Variants in LY6G6F observed in about 807,000 individuals in gnomAD.
LY6G6F encodes the protein lymphocyte antigen 6 complex locus protein G6f.
In LY6G6F, 26 loss-of-function variants were observed where a neutral mutation model predicts 33.0. The ratio of observed to expected loss-of-function variants is 0.79; its 90% CI spans 0.58 to 1.09. The LOEUF (loss-of-function observed/expected upper bound fraction) is 1.09. Among genes scored for constraint, LY6G6F ranks in the 50% least tolerant of loss-of-function variants. The probability of loss-of-function intolerance (pLI) is 0.00; values close to 1 mark genes in which losing one functional copy is unlikely to be tolerated. For missense variants in LY6G6F, 317 were observed against 372.0 expected (o/e 0.85, Z 1.22); for synonymous variants, 132 against 148.1 (o/e 0.89, Z 0.79).
chr6:31,710,330 C>G lies in LY6G6F; in HGVS notation c.803-22C>G. The G allele has an allele frequency of 6.2e-7, 1 of 1,613,688 alleles. No individual in the cohort carries two copies. The highest frequency in any genetic ancestry group is 8.5e-7 in the Non-Finnish European group (1 of 1,180,024). ...TGTCTGCTGACTTCTCTTCTGTATC[C>G]CTGATGGCTCCTTCTCCCCAGATGC... On this transcript the variant is annotated intron_variant, in intron 4 of 5. Transcript: ENST00000375832. The surrounding 1 kb of genome is among the most constrained non-coding windows in gnomAD (Gnocchi z 4.7).
chr6:31,710,308 C>T lies in LY6G6F; in HGVS notation c.803-44C>T, dbSNP rs1805942715. 1 of 1,613,140 alleles carries T rather than the reference C, an allele frequency of 6.2e-7. No individual in the cohort carries two copies. The highest frequency in any genetic ancestry group is 1.3e-5 in the African/African-American group (1 of 74,916). ...GGCGAGGAACACGGCTCTAAGTTGT[C>T]TGCTGACTTCTCTTCTGTATCCCTG... On this transcript the variant is annotated intron_variant, in intron 4 of 5. Coordinates refer to ENST00000375832, the MANE Select transcript of LY6G6F (RefSeq NM_001003693.3). This position sits in a 1 kb window ranked among gnomAD's most constrained non-coding sequence, Gnocchi z 4.7.
rs746975474 is a variant in LY6G6F at position 31,707,705 on chromosome 6, T to C, written c.300T>C (p.Asp100=). The C allele has an allele frequency of 6.2e-7, 1 of 1,614,146 alleles. No individual in the cohort carries two copies. The highest frequency in any genetic ancestry group is 1.1e-5 in the South Asian group (1 of 91,078). Residue 100 remains aspartate (D), a synonymous_variant, in exon 2 of 6, where the codon GAT becomes GAC. Transcript: ENST00000375832. This position sits in a 1 kb window ranked among gnomAD's most constrained non-coding sequence, Gnocchi z 4.1. ...GGTTGGAGGGATCCAAAGAGGAAGA[T>C]GCCGGGCGGTACTGGTGCGCTGTGC... The part of the protein sequence containing the change: ...SLWLEGSKEE[D]AGRYWCAVLG...
In LY6G6F at chr6:31,710,280, G is replaced by T; in HGVS notation, c.803-72G>T. 1 of 1,612,850 alleles carries T rather than the reference G, an allele frequency of 6.2e-7. No homozygotes were observed. The highest frequency in any genetic ancestry group is 1.7e-5 in the Admixed American group (1 of 60,018). On this transcript the variant is annotated intron_variant, in intron 4 of 5. Transcript: ENST00000375832. The surrounding 1 kb of genome is among the most constrained non-coding windows in gnomAD (Gnocchi z 4.7). ...TCTGTACCCCACCTCCTCTAGGGGA[G>T]GGGGCGAGGAACACGGCTCTAAGTT...
rs1464756284 is a variant in LY6G6F at position 31,710,317 on chromosome 6, TCTC to T, written c.803-34_803-32del. The T allele has an allele frequency of 6.2e-7, 1 of 1,613,348 alleles. No individual in the cohort carries two copies. ...CACGGCTCTAAGTTGTCTGCTGACT[TCTC>T]TTCTGTATCCCTGATGGCTCCTTCT... is the stretch of plus-strand genomic sequence containing the variant. On this transcript the variant is annotated intron_variant, in intron 4 of 5. Coordinates refer to ENST00000375832, the MANE Select transcript of LY6G6F (RefSeq NM_001003693.3). The surrounding 1 kb of genome is among the most constrained non-coding windows in gnomAD (Gnocchi z 4.7).
chr6:31,706,989 C>A, intron 1 of LY6G6F, 31 bp downstream of exon 1: 1 of 1,608,638 alleles, frequency 6.2e-7, no homozygotes, highest in East Asian at 2.2e-5. Flanking sequence ...GATTCCTTAG[C>A]TATTTGCAAG....
chr6:31,706,919 T>G lies in LY6G6F; in HGVS notation c.13T>G (p.Phe5Val). The G allele has an allele frequency of 6.2e-7, 1 of 1,614,138 alleles. No individual in the cohort carries two copies. Among genetic ancestry groups the G allele is most frequent in the Non-Finnish European group, 8.5e-7 (1 of 1,180,014 alleles). The change falls in exon 1 of 6, where the codon TTC becomes GTC. Residue 5 changes from phenylalanine (F) to valine (V), a missense_variant. Physicochemically the swap from Phe to Val is conservative, Grantham distance 50. Transcript: ENST00000375832. The stretch of plus-strand genomic sequence containing the variant: ...GCAGGCTCTCCCCATGGCAGTCTTA[T>G]TCCTCCTCCTGTTCCTATGTGGAAC... MAVL[F>V]LLLFLCGTPQ...
At position 31,707,366 on chromosome 6, in the gene LY6G6F, C is replaced by A. The variant is rs1031732000; in HGVS notation, c.53-92C>A. The stretch of plus-strand genomic sequence containing the variant: ...CACCAGCCAGGCCTGTGCTGGGGGA[C>A]CCCAGAAGGGAAGGAAGCCAGGGTT... On this transcript the variant is annotated intron_variant, in intron 1 of 5. Coordinates refer to ENST00000375832, the MANE Select transcript of LY6G6F (RefSeq NM_001003693.3). This position sits in a 1 kb window ranked among gnomAD's most constrained non-coding sequence, Gnocchi z 4.1. 194 of 1,188,540 alleles carry A rather than the reference C, an allele frequency of 1.6e-4. No homozygotes were observed. The highest frequency in any genetic ancestry group is 2.2e-4 in the Non-Finnish European group (185 of 829,604). The allele number at this position is 1,188,540 out of a possible 1,614,324, so 73.6% of individuals were successfully genotyped here.
Position 31,708,025 on chromosome 6 carries a change from C to G in LY6G6F, c.537C>G (p.Ala179=). Residue 179 remains alanine (A), a synonymous_variant, in exon 3 of 6, where the codon GCC becomes GCG. Coordinates refer to ENST00000375832, the MANE Select transcript of LY6G6F (RefSeq NM_001003693.3). ...AGTCCTTCTGGGGCAGTGAGGCTGCCCTGCTCTTGGTGTGTCCTGGGGAGG... is the reference window on the plus strand; with the variant it reads ...AGTCCTTCTGGGGCAGTGAGGCTGCGCTGCTCTTGGTGTGTCCTGGGGAGG... ...RVQSFWGSEA[A]LLLVCPGEGL... is the part of the protein sequence containing the mutation. 1.2e-6 allele frequency: 2 copies of G among 1,613,006 alleles called. No individual in the cohort carries two copies. Among genetic ancestry groups the G allele is most frequent in the East Asian group, 2.2e-5 (1 of 44,886 alleles).
At position 31,707,536 on chromosome 6, in the gene LY6G6F, A is replaced by G; in HGVS notation, c.131A>G (p.Asp44Gly). 6.2e-7 allele frequency: 1 copy of G among 1,614,104 alleles called. No homozygotes were observed. The change falls in exon 2 of 6, where the codon GAC (aspartate) becomes GGC (glycine). Residue 44 changes from aspartate to glycine, a missense_variant. Physicochemically the swap from Asp to Gly is moderately conservative, Grantham distance 94 (BLOSUM62 -1). Transcript: ENST00000375832. The surrounding 1 kb of genome is among the most constrained non-coding windows in gnomAD (Gnocchi z 4.1). ...PCPSPPTLHG[D>G]EHLSWFCSPA... is the part of the protein sequence containing the mutation. The stretch of plus-strand genomic sequence containing the variant: ...CCCTCACCACCTACTCTACATGGGG[A>G]CGAACACCTGTCATGGTTCTGCAGC...
rs1010816410 is a variant in LY6G6F at position 31,707,235 on chromosome 6, C to T, written c.53-223C>T. Among the ~76,000 whole-genome samples, 3 of 152,292 alleles carry T rather than the reference C, an allele frequency of 2.0e-5. No homozygotes were observed. Among genetic ancestry groups the T allele is most frequent in the East Asian group, 3.9e-4 (2 of 5,186 alleles). On this transcript the variant is annotated intron_variant, in intron 1 of 5. Transcript: ENST00000375832. The surrounding 1 kb of genome is among the most constrained non-coding windows in gnomAD (Gnocchi z 4.1). ...CATTTGCCAACTTTCAGCCTTTTCC[C>T]TCTTGCCCTCAGACCCCCTCACTGG...
At chr6:31,706,997 A>G (rs768527714) in intron 1 of LY6G6F, 39 bp downstream of exon 1, 16 of 1,603,820 alleles carry the variant, frequency 1.0e-5, no homozygotes, top group Middle Eastern at 1.6e-4. Flanking sequence ...AGCTATTTGC[A>G]AGGTTGGGGA....
At position 31,707,632 on chromosome 6, in the gene LY6G6F, A is replaced by G; in HGVS notation, c.227A>G (p.Lys76Arg). 1 of 1,613,840 alleles carries G rather than the reference A, an allele frequency of 6.2e-7. No homozygotes were observed. Among genetic ancestry groups the G allele is most frequent in the Non-Finnish European group, 8.5e-7 (1 of 1,179,842 alleles). ...QVGRPAPDPG[K>R]PGRESRLRLL... The stretch of plus-strand genomic sequence containing the variant: ...GGCAGGCCAGCCCCAGACCCTGGAA[A>G]ACCAGGAAGGGAATCCAGGCTCAGA... The change falls in exon 2 of 6, where the codon AAA becomes AGA. Residue 76 changes from lysine to arginine, a missense_variant. Transcript: ENST00000375832. This position sits in a 1 kb window ranked among gnomAD's most constrained non-coding sequence, Gnocchi z 4.1.
At chr6:31,708,651 G>T (rs1356273340) in intron 3 of LY6G6F, among the ~76,000 whole-genome samples, 2 of 152,016 alleles carry the variant, frequency 1.3e-5, no homozygotes, top group African/African-American at 2.4e-5. Flanking sequence ...ATTAGGCCAG[G>T]CATGGTAGCT....
At position 31,710,274 on chromosome 6, in the gene LY6G6F, A is replaced by G; in HGVS notation, c.803-78A>G. On this transcript the variant is annotated intron_variant, in intron 4 of 5. Transcript: ENST00000375832. The surrounding 1 kb of genome is among the most constrained non-coding windows in gnomAD (Gnocchi z 4.7). The stretch of plus-strand genomic sequence containing the variant: ...CCCGCCTCTGTACCCCACCTCCTCT[A>G]GGGGAGGGGGCGAGGAACACGGCTC... 2.5e-6 allele frequency: 4 copies of G among 1,612,718 alleles called. No homozygotes were observed. The highest frequency in any genetic ancestry group is 3.4e-6 in the Non-Finnish European group (4 of 1,179,804).
At position 31,708,134 on chromosome 6, in the gene LY6G6F, G is replaced by A; in HGVS notation, c.646G>A (p.Ala216Thr). ...CAAAGGGGTCAGCTTTAGCCTGGCA[G>A]GTAAACTGAGGAAGGAGACGGAAAG... is the stretch of plus-strand genomic sequence containing the variant. ...HNKGVSFSLAASIDASPALCA... is the reference protein window; with the variant it reads ...HNKGVSFSLATSIDASPALCA... Residue 216 changes from alanine (A) to threonine (T), a missense_variant and splice_region_variant, in exon 3 of 6, where the codon GCC becomes ACC. By Grantham distance (58) the Ala-to-Thr change is moderately conservative (BLOSUM62 0). Coordinates refer to ENST00000375832, the MANE Select transcript of LY6G6F (RefSeq NM_001003693.3). 4 of 1,529,290 alleles carry A rather than the reference G, an allele frequency of 2.6e-6. No homozygotes were observed. The highest frequency in any genetic ancestry group is 3.5e-6 in the Non-Finnish European group (4 of 1,138,056). The allele number at this position is 1,529,290 out of a possible 1,614,324, so 94.7% of individuals were successfully genotyped here.
rs1805928829 is a variant in LY6G6F, at chr6:31,710,202, G to C, written c.802+21G>C. 5 of 1,608,052 alleles carry C rather than the reference G, an allele frequency of 3.1e-6. No homozygotes were observed. The East Asian group carries it at 1.1e-4, about 36-fold the overall frequency. ...CAGAGGTGAGTCCCTCCCTCCCCGG[G>C]GAAAGAAGAGGGCACATGGGTGGGA... On this transcript the variant is annotated intron_variant, in intron 4 of 5. Coordinates refer to ENST00000375832, the MANE Select transcript of LY6G6F (RefSeq NM_001003693.3). This position sits in a 1 kb window ranked among gnomAD's most constrained non-coding sequence, Gnocchi z 4.7.
At position 31,710,277 on chromosome 6, in the gene LY6G6F, G is replaced by A. The variant is rs935226129; in HGVS notation, c.803-75G>A. ...GCCTCTGTACCCCACCTCCTCTAGG[G>A]GAGGGGGCGAGGAACACGGCTCTAA... On this transcript the variant is annotated intron_variant, in intron 4 of 5. Coordinates refer to ENST00000375832, the MANE Select transcript of LY6G6F (RefSeq NM_001003693.3). This position sits in a 1 kb window ranked among gnomAD's most constrained non-coding sequence, Gnocchi z 4.7. The A allele has an allele frequency of 1.7e-5, 27 of 1,612,900 alleles. No individual in the cohort carries two copies. Among genetic ancestry groups the A allele is most frequent in the Non-Finnish European group, 2.3e-5 (27 of 1,179,902 alleles).
At position 31,706,872 on chromosome 6, in the gene LY6G6F, G is replaced by A. The variant is rs772372440; in HGVS notation, c.-35G>A. 9 of 1,611,788 alleles carry A rather than the reference G, an allele frequency of 5.6e-6. No individual in the cohort carries two copies. The highest frequency in any genetic ancestry group is 7.6e-6 in the Non-Finnish European group (9 of 1,178,080). ...CTCTGCTTCCTCCCTGGGGACACCA[G>A]GTCTTGGAGCAAGAGAACTTGGCAG... On this transcript the variant is annotated 5_prime_UTR_variant, in exon 1 of 6. Coordinates refer to ENST00000375832, the MANE Select transcript of LY6G6F (RefSeq NM_001003693.3).
Position 31,710,410 on chromosome 6 carries a change from C to G in LY6G6F, c.861C>G (p.Ala287=), listed in dbSNP as rs1805954341. The change falls in exon 5 of 6, where the codon GCC becomes GCG. Residue 287 remains alanine, a synonymous_variant. Transcript: ENST00000375832. The surrounding 1 kb of genome is among the most constrained non-coding windows in gnomAD (Gnocchi z 4.7). ...EIQVYENIHL[A]RLGPPAHKPR is the part of the protein sequence containing the mutation. ...AGGTCTATGAGAACATCCATTTGGC[C>G]CGTCTTGGGTGAGGAACAGCTAGGG... 5.6e-6 allele frequency: 9 copies of G among 1,614,042 alleles called. No homozygotes were observed. Among genetic ancestry groups the G allele is most frequent in the Non-Finnish European group, 6.8e-6 (8 of 1,180,040 alleles).
Sources: allele counts gnomAD v4.1 joint callset (sites outside exome capture counted in the v4.1 genomes callset), GRCh38; gene constraint gnomAD v4.1.1; non-coding constraint Gnocchi (gnomAD v3.1); transcripts MANE v1.5; gene names NCBI Gene and HGNC (gene_info 2026-07-23, HGNC 2026-07-21).